Variants in NBEAL1 observed in about 807,000 individuals in gnomAD.
NBEAL1 encodes the protein neurobeachin-like protein 1.
In NBEAL1, 273 loss-of-function variants were observed where a neutral mutation model predicts 351.3. That is an observed-to-expected ratio of 0.78 (90% CI 0.70 to 0.86). The LOEUF is 0.86. NBEAL1 is among the 40% of genes least tolerant of loss of function. The pLI, the probability that NBEAL1 is intolerant of heterozygous loss-of-function variation, is 0.00. For missense variants in NBEAL1, 2,961 were observed against 3,201.3 expected, an observed-to-expected ratio of 0.92 and a Z score of 1.81; for synonymous variants, 1,050 against 1,086.4, an observed-to-expected ratio of 0.97 and a Z score of 0.66.
chr2:203,131,877 A>G (rs2063080785), intron 25 of NBEAL1, 96 bp from the exon 26 acceptor site: 2 of 845,474 alleles, frequency 2.4e-6, no homozygotes, highest in Admixed American at 3.4e-5. Flanking sequence ...AAATACTAAC[A>G]TTAATATTTA....
intron 33 of NBEAL1, among the ~76,000 whole-genome samples, chr2:203,145,797 CAAAA>C (rs56382460): frequency 1.2e-5 from 1 of 86,134 alleles, no homozygotes; most frequent in South Asian, 3.8e-4. Flanking sequence ...GACTCCATCT[CAAAA>C]AAAAAAAAAA....
Position 203,122,264 on chromosome 2 carries a change from A to T in NBEAL1, c.2603A>T (p.Asn868Ile). 6.5e-7 allele frequency: 1 copy of T among 1,530,230 alleles called. No homozygotes were observed. The highest frequency in any genetic ancestry group is 8.8e-7 in the Non-Finnish European group (1 of 1,140,178). 94.8% of individuals were successfully genotyped at this position (1,530,230 alleles called of 1,614,324 possible). A position where few individuals can be genotyped will look rare whatever the true frequency, so the allele number is the denominator to read the frequency against. ...LLYYTAKACK[N>I]SICLDLSTNC... ...TTCTTTTATTCTTAGGCCTGCAAAA[A>T]TTCAATCTGTCTTGATTTATCTACT... The change falls in exon 19 of 56, where the codon AAT (asparagine) becomes ATT (isoleucine). Residue 868 changes from asparagine (N) to isoleucine (I), a missense_variant. Physicochemically the swap from Asn to Ile is moderately radical, Grantham distance 149 (BLOSUM62 -3). Transcript: ENST00000683969.
intron 54 of NBEAL1, among the ~76,000 whole-genome samples, 155 bp downstream of exon 54, chr2:203,211,261 A>G (rs2065781647): frequency 6.6e-6 from 1 of 152,160 alleles, no homozygotes; most frequent in Non-Finnish European, 1.5e-5. Flanking sequence ...GAGGAGCTAA[A>G]GTATTCCTAG....
intron 4 of NBEAL1, among the ~76,000 whole-genome samples, chr2:203,054,340 C>T (rs1389535736): frequency 6.6e-6 from 1 of 151,690 alleles, no homozygotes; most frequent in African/African-American, 2.4e-5. Flanking sequence ...GTGGAAGAAT[C>T]GCTTTAACCC....
intron 4 of NBEAL1, among the ~76,000 whole-genome samples, chr2:203,054,559 C>A (rs1442321692): frequency 2.6e-5 from 4 of 152,082 alleles, no homozygotes; most frequent in Admixed American, 6.6e-5. Context: ...CGGGCATGAG[C>A]CACTACACCC....
intron 43 of NBEAL1, 41 bp downstream of exon 43, chr2:203,180,553 A>G (rs758632557): frequency 3.9e-6 from 6 of 1,546,568 alleles, no homozygotes; most frequent in African/African-American, 2.8e-5. Context: ...GCAGGTCCCA[A>G]TGGAGGAGCC....
At chr2:203,208,801 A>G (rs1164679710) in intron 52 of NBEAL1, 48 bp downstream of exon 52, 1 of 1,382,078 alleles carries the variant, frequency 7.2e-7, no homozygotes, top group Admixed American at 2.3e-5. Context: ...CTACAAATTT[A>G]TTACCAACAC....
chr2:203,171,382 ATCACTTGAG>A (rs2064314378), intron 39 of NBEAL1, among the ~76,000 whole-genome samples: 1 of 152,196 alleles, frequency 6.6e-6, no homozygotes, highest in Non-Finnish European at 1.5e-5. Flanking sequence ...AGCCAGGAGC[ATCACTTGAG>A]GCTAGGAGTT....
intron 39 of NBEAL1, 89 bp from the exon 40 acceptor site, chr2:203,171,839 C>T (rs1174500704): frequency 6.5e-6 from 3 of 462,004 alleles, no homozygotes; most frequent in Non-Finnish European, 7.4e-6. Flanking sequence ...TTTTTTTTAG[C>T]CCATTCTTGG....
intron 43 of NBEAL1, 72 bp downstream of exon 43, chr2:203,180,584 A>T: frequency 1.5e-6 from 2 of 1,332,840 alleles, no homozygotes; most frequent in South Asian, 2.7e-5. Flanking sequence ...CTTTCAGGAC[A>T]TTTTTGTAAT....
intron 51 of NBEAL1, among the ~76,000 whole-genome samples, chr2:203,205,390 T>C (rs2065524733): frequency 6.6e-6 from 1 of 152,290 alleles, no homozygotes; most frequent in Non-Finnish European, 1.5e-5. Context: ...AAAGACAATC[T>C]TGTACATAAA....
chr2:203,051,846 A>G (rs2106077940), intron 4 of NBEAL1, among the ~76,000 whole-genome samples: 1 of 152,262 alleles, frequency 6.6e-6, no homozygotes, highest in East Asian at 1.9e-4. Context: ...CAGAGACCTC[A>G]CTTTACTTTT....
intron 12 of NBEAL1, 21 bp downstream of exon 12, chr2:203,099,733 C>T (rs77414987): frequency 2.5e-6 from 3 of 1,208,562 alleles, no homozygotes; most frequent in East Asian, 3.0e-5. Flanking sequence ...TATCCTCCAG[C>T]TTTTTTTTTT....
At chr2:203,202,245 T>A (rs909389190) in intron 50 of NBEAL1, among the ~76,000 whole-genome samples, 2 of 152,148 alleles carry the variant, frequency 1.3e-5, no homozygotes, top group African/African-American at 4.8e-5. Context: ...ACGTCTGCAG[T>A]TTAGGAAAAA....
At position 203,221,798 on chromosome 2, in the gene NBEAL1, C is replaced by T. The variant is rs1030826077; in HGVS notation, c.*4444C>T. 3.9e-5 allele frequency among the ~76,000 whole-genome samples: 6 copies of T among 152,162 alleles called. No homozygotes were observed. Among genetic ancestry groups the T allele is most frequent in the Non-Finnish European group, 8.8e-5 (6 of 68,032 alleles). On this transcript the variant is annotated 3_prime_UTR_variant, in exon 56 of 56. Transcript: ENST00000683969. The stretch of plus-strand genomic sequence containing the variant: ...AGAGTTTTCCTGTATTTATCAGAGT[C>T]ATGTGGTATTTTTCTTGATGACCTT...
chr2:203,034,100 T>A (rs1300314710), intron 2 of NBEAL1, among the ~76,000 whole-genome samples: 1 of 152,174 alleles, frequency 6.6e-6, no homozygotes, highest in Non-Finnish European at 1.5e-5. Flanking sequence ...GACTCTATTT[T>A]ATTTGTCTTT....
At chr2:203,124,324 C>A (rs896497728) in intron 19 of NBEAL1, among the ~76,000 whole-genome samples, 3 of 152,054 alleles carry the variant, frequency 2.0e-5, no homozygotes, top group African/African-American at 4.8e-5. Flanking sequence ...AGAGCGAAAC[C>A]CTGTCTCAAA....
intron 10 of NBEAL1, among the ~76,000 whole-genome samples, chr2:203,092,042 A>G (rs1222386187): frequency 6.6e-6 from 1 of 152,242 alleles, no homozygotes; most frequent in Non-Finnish European, 1.5e-5. Context: ...TTTCCAAAAT[A>G]GAATTTTACT....
intron 10 of NBEAL1, among the ~76,000 whole-genome samples, chr2:203,087,934 C>T (rs2061998244): frequency 6.6e-6 from 1 of 152,132 alleles, no homozygotes; most frequent in African/African-American, 2.4e-5. Flanking sequence ...CCTAGAACAA[C>T]AGGATTATGC....
Sources: gnomAD v4.1 joint callset for allele counts (sites outside exome capture counted in the v4.1 genomes callset) on GRCh38, gnomAD v4.1.1 for gene constraint, MANE v1.5 for transcripts, NCBI Gene and HGNC (gene_info 2026-07-23, HGNC 2026-07-21) for gene names.